The following AGK variants were observed in gnomAD, a reference collection of about 807,000 sequenced individuals.
The protein encoded by AGK is acylglycerol kinase, mitochondrial.
Under a neutral mutation model 66.4 loss-of-function variants are expected in AGK, and 52 were observed. The ratio of observed to expected loss-of-function variants is 0.78; its 90% confidence interval spans 0.63 to 0.99. The LOEUF (loss-of-function observed/expected upper bound fraction) is 0.99, where lower values mean the gene tolerates loss of function less well. Among genes scored for constraint, AGK ranks in the 50% least tolerant of loss-of-function variants. The probability of loss-of-function intolerance (pLI) is 0.00; values close to 1 mark genes in which losing one functional copy is unlikely to be tolerated. For synonymous variants in AGK, 182 were observed against 181.1 expected (o/e 1.00, Z -0.04); for missense variants, 451 against 506.6 (o/e 0.89, Z 1.05).
At position 141,641,338 on chromosome 7, in the gene AGK, CCTT is replaced by C. The variant is rs1285023708; in HGVS notation, c.821_823del (p.Ser274del). The C allele has an allele frequency of 6.2e-7, 1 of 1,613,480 alleles. No individual in the cohort carries two copies. Among genetic ancestry groups the C allele is most frequent in the Non-Finnish European group, 8.5e-7 (1 of 1,179,608 alleles). ...ACCAGAGGAGACCCCTGTACAAAGG[CCTT>C]CTTTGTACAGGAGAATATTACGAAG... On this transcript the variant is annotated inframe_deletion, in exon 12 of 16. Transcript: ENST00000649286.
At chr7:141,570,488 ATTAAT>A (rs946274509) in intron 2 of AGK, among the ~76,000 whole-genome samples, 3 of 152,216 alleles carry the variant, frequency 2.0e-5, no homozygotes, top group Non-Finnish European at 4.4e-5. Flanking sequence ...AAAGAAAAAA[ATTAAT>A]TTAAAAAACT....
At chr7:141,621,115 C>T (rs1249982756) in intron 8 of AGK, among the ~76,000 whole-genome samples, 1 of 152,220 alleles carries the variant, frequency 6.6e-6, no homozygotes, top group Admixed American at 6.5e-5. Flanking sequence ...CCCCTCCCTT[C>T]ACATGCTACA....
intron 7 of AGK, among the ~76,000 whole-genome samples, chr7:141,614,772 A>G (rs985656820): frequency 6.4e-5 from 9 of 141,638 alleles, no homozygotes; most frequent in South Asian, 2.3e-4. Flanking sequence ...TTGTATCTCT[A>G]TCGTTTTATT....
chr7:141,609,136 G>A (rs1796523763), intron 5 of AGK, among the ~76,000 whole-genome samples: 2 of 152,272 alleles, frequency 1.3e-5, no homozygotes, highest in South Asian at 4.1e-4. Context: ...TGTTCACTGT[G>A]AATTAATGTC....
rs1796163190 is a variant in AGK at position 141,593,375 on chromosome 7, A to G, written c.141+190A>G. ...CCAGGAAGTTAACCATCTGGTGAAG[A>G]GCAGTTCTGACGCCCACCCCTATAG... On this transcript the variant is annotated intron_variant, in intron 3 of 15. Transcript: ENST00000649286. 4 of 707,848 alleles carry G rather than the reference A, an allele frequency of 5.7e-6. No homozygotes were observed. The South Asian group carries it at 5.9e-5, about 10-fold the overall frequency. 43.8% of individuals were successfully genotyped at this position (707,848 alleles called of 1,614,324 possible).
intron 2 of AGK, among the ~76,000 whole-genome samples, chr7:141,567,384 T>A (rs1179776758): frequency 6.6e-6 from 1 of 152,228 alleles, no homozygotes; most frequent in African/African-American, 2.4e-5. Context: ...TCTTTTGGTA[T>A]CAGATATTAT....
At chr7:141,552,102 C>T (rs1007175516) in intron 1 of AGK, among the ~76,000 whole-genome samples, 2 of 152,230 alleles carry the variant, frequency 1.3e-5, no homozygotes, top group African/African-American at 2.4e-5. Flanking sequence ...CTGCCAATTT[C>T]TACTTTCTAA....
chr7:141,637,650 A>T (rs1419375956), intron 11 of AGK, among the ~76,000 whole-genome samples: 1 of 152,202 alleles, frequency 6.6e-6, no homozygotes, highest in African/African-American at 2.4e-5. Flanking sequence ...TTCAGCTTTT[A>T]TGCAAATCAA....
intron 2 of AGK, among the ~76,000 whole-genome samples, chr7:141,560,727 T>C (rs1292137472): frequency 6.6e-6 from 1 of 152,070 alleles, no homozygotes; most frequent in Non-Finnish European, 1.5e-5. Context: ...TGGCTTTCCA[T>C]TCCTGAGTTA....
chr7:141,596,471 G>A (rs544538881), intron 3 of AGK, 91 bp from the exon 4 acceptor site: 1 of 1,161,296 alleles, frequency 8.6e-7, no homozygotes, highest in Non-Finnish European at 1.3e-6. Context: ...CTTATGTGCT[G>A]CAAGTACATT....
At chr7:141,623,219 A>C (rs1375384396) in intron 9 of AGK, among the ~76,000 whole-genome samples, 1 of 152,066 alleles carries the variant, frequency 6.6e-6, no homozygotes, top group Non-Finnish European at 1.5e-5. Context: ...ATCTCTACTA[A>C]AAATACAAAA....
At chr7:141,601,763 A>G (rs1796348870) in intron 5 of AGK, among the ~76,000 whole-genome samples, 1 of 152,176 alleles carries the variant, frequency 6.6e-6, no homozygotes, top group African/African-American at 2.4e-5. Flanking sequence ...GAATTGTACT[A>G]TTTCGAAGAT....
intron 5 of AGK, among the ~76,000 whole-genome samples, chr7:141,603,752 C>T (rs910977322): frequency 1.1e-4 from 17 of 152,132 alleles, no homozygotes; most frequent in Non-Finnish European, 2.4e-4. Context: ...GCTTTACTCA[C>T]GTCTCCAAGT....
intron 2 of AGK, among the ~76,000 whole-genome samples, chr7:141,588,020 T>C (rs889658430): frequency 1.3e-5 from 2 of 152,246 alleles, no homozygotes; most frequent in Non-Finnish European, 2.9e-5. Flanking sequence ...TTGTGTTAAA[T>C]GAGTTTGTTT....
intron 2 of AGK, among the ~76,000 whole-genome samples, chr7:141,557,095 C>T (rs1174133256): frequency 6.6e-6 from 1 of 152,148 alleles, no homozygotes; most frequent in African/African-American, 2.4e-5. Context: ...GAACAGAAAA[C>T]AGAACAGTTA....
chr7:141,634,990 ATG>A (rs1423089026), intron 10 of AGK, among the ~76,000 whole-genome samples: 1,662 of 152,302 alleles, frequency 0.011, 25 homozygotes, highest in African/African-American at 0.038. Flanking sequence ...CAAGTGTGCC[ATG>A]ATTATGGGAT....
chr7:141,640,372 T>C (rs963219772), intron 11 of AGK, among the ~76,000 whole-genome samples: 1 of 152,122 alleles, frequency 6.6e-6, no homozygotes, highest in African/African-American at 2.4e-5. Flanking sequence ...GCTGGATCCA[T>C]GCATTGGTCC....
chr7:141,584,390 A>G (rs771319480), intron 2 of AGK, among the ~76,000 whole-genome samples: 194 of 152,256 alleles, frequency 1.3e-3, no homozygotes, highest in Non-Finnish European at 2.5e-3. Flanking sequence ...GGACGCATAT[A>G]CATGCAGGTC....
At chr7:141,631,936 T>G (rs1263099124) in intron 9 of AGK, among the ~76,000 whole-genome samples, 1 of 152,056 alleles carries the variant, frequency 6.6e-6, no homozygotes, top group African/African-American at 2.4e-5. Context: ...CCTCCTTATA[T>G]TAATAAGCAA....
Sources: gnomAD v4.1 joint callset for allele counts (sites outside exome capture counted in the v4.1 genomes callset) on GRCh38, gnomAD v4.1.1 for gene constraint, MANE v1.5 for transcripts, NCBI Gene and HGNC (gene_info 2026-07-23, HGNC 2026-07-21) for gene names.